ZNF705B: variants seen among roughly 807,000 people sequenced by gnomAD.
ZNF705B encodes the protein Putative zinc finger protein 705D-like protein LOC100132396.
Under a neutral mutation model 10.5 loss-of-function variants are expected in ZNF705B, and 1 was observed. That is an observed-to-expected ratio of 0.10 (90% CI 0.03 to 0.45). The LOEUF is 0.45. ZNF705B is among the 20% of genes least tolerant of loss of function. The pLI is 0.97. For synonymous variants in ZNF705B, 4 were observed against 25.4 expected (o/e 0.16, Z 2.53); for missense variants, 14 against 84.0 (o/e 0.17, Z 3.26).
At chr8:7,931,891 C>T (rs1247599538) in intron 2 of ZNF705B, among the ~76,000 whole-genome samples, 1 of 125,544 alleles carries the variant, frequency 8.0e-6, no homozygotes, top group African/African-American at 2.5e-5. Context: ...GTGAGTTCAG[C>T]TGGTATTGTG....
chr8:7,933,031 G>A, intron 2 of ZNF705B, among the ~76,000 whole-genome samples: 1 of 118,670 alleles, frequency 8.4e-6, no homozygotes, highest in East Asian at 2.4e-4. Context: ...GTGCCACCTT[G>A]TAAGCAAAGG....
rs1170784899 is a variant in ZNF705B, at chr8:7,930,430, G to A, written c.-78G>A. ...CCTTCTTGGATGTCTGATACAAACAGCCTCAGGTAAGCTACAAGTCCACCT... is the reference window on the plus strand; with the variant it reads ...CCTTCTTGGATGTCTGATACAAACAACCTCAGGTAAGCTACAAGTCCACCT... On this transcript the variant is annotated 5_prime_UTR_variant, in exon 2 of 7. Coordinates refer to ENST00000400120, the MANE Select transcript of ZNF705B (RefSeq NM_001193630.1). 1 of 76,902 alleles carries A rather than the reference G, an allele frequency of 1.3e-5. No homozygotes were observed. The highest frequency in any genetic ancestry group is 3.4e-5 in the African/African-American group (1 of 29,814). The allele number at this position is 76,902 out of a possible 1,614,324, so 4.8% of individuals were successfully genotyped here. A position where few individuals can be genotyped will look rare whatever the true frequency, so the allele number is the denominator to read the frequency against.
intron 2 of ZNF705B, among the ~76,000 whole-genome samples, chr8:7,940,256 T>A (rs1820111336): frequency 6.7e-6 from 1 of 148,626 alleles, no homozygotes; most frequent in Non-Finnish European, 1.5e-5. Flanking sequence ...CCCCTCTTGT[T>A]TTATTTTAAC....
rs1335140131 is a variant in ZNF705B at position 7,935,840 on chromosome 8, T to C, written c.-72+5404T>C. Among the ~76,000 whole-genome samples, 2 of 91,388 alleles carry C rather than the reference T, an allele frequency of 2.2e-5. 1 individual carries two copies. The highest frequency in any genetic ancestry group is 6.1e-4 in the East Asian group (2 of 3,266). 60.0% of individuals were successfully genotyped at this position (91,388 alleles called of 152,430 possible). A position where few individuals can be genotyped will look rare whatever the true frequency, so the allele number is the denominator to read the frequency against. ...CCCTGAGCTTTCCATCTCTTCCTTT[T>C]ATCTGTAAGTAGTCAGCTATTACGT... On this transcript the variant is annotated intron_variant, in intron 2 of 6. Transcript: ENST00000400120.
intron 1 of ZNF705B, among the ~76,000 whole-genome samples, chr8:7,926,993 T>C (rs1819708566): frequency 8.5e-6 from 1 of 118,254 alleles, no homozygotes; most frequent in African/African-American, 2.5e-5. Flanking sequence ...AAAATATCTA[T>C]CTCATATAAA....
chr8:7,927,754 C>T (rs1417923800), intron 1 of ZNF705B, among the ~76,000 whole-genome samples: 2 of 147,814 alleles, frequency 1.4e-5, no homozygotes, highest in African/African-American at 2.4e-5. Flanking sequence ...GACTTTAGAG[C>T]TCTTTTATTC....
At chr8:7,937,579 A>G (rs1351009130) in intron 2 of ZNF705B, among the ~76,000 whole-genome samples, 2 of 121,078 alleles carry the variant, frequency 1.7e-5, no homozygotes, top group African/African-American at 5.1e-5. Context: ...ACATATTTTA[A>G]AATATTTTTA....
rs575704896 is a variant in ZNF705B, at chr8:7,930,286, G to C, written c.-221-1G>C. On this transcript the variant is annotated splice_acceptor_variant, in intron 1 of 6. Transcript: ENST00000400120. LOFTEE classifies it low-confidence loss of function (5UTR_SPLICE). ...CCAGCTGAATTCAAACTCATTCCCA[G>C]ATCACTTGTCCTCCTCAATTGATGT... The C allele has an allele frequency of 2.3e-3, 239 of 105,180 alleles. 9 individuals are homozygous for C. Among genetic ancestry groups the C allele is most frequent in the African/African-American group, 6.4e-3 (233 of 36,570 alleles). The allele number at this position is 105,180 out of a possible 1,614,324, so 6.5% of individuals were successfully genotyped here. A position where few individuals can be genotyped will look rare whatever the true frequency, so the allele number is the denominator to read the frequency against.
chr8:7,940,818 C>A (rs1277776399), intron 2 of ZNF705B, among the ~76,000 whole-genome samples: 1 of 134,332 alleles, frequency 7.4e-6, no homozygotes, highest in African/African-American at 2.6e-5. Flanking sequence ...TATGTATTAG[C>A]CATTTATCCT....
At position 7,926,580 on chromosome 8, in the gene ZNF705B, G is replaced by GT. The variant is rs1819693329; in HGVS notation, c.-222+184dup. ...AGTATTATCACCATCATTATTTGCT[G>GT]TGGTATGAGTGTTTGTGTCTCTCCC... On this transcript the variant is annotated intron_variant, in intron 1 of 6. Transcript: ENST00000400120. 3.8e-5 allele frequency among the ~76,000 whole-genome samples: 4 copies of GT among 104,112 alleles called. No individual in the cohort carries two copies. The South Asian group carries it at 1.5e-3, about 39-fold the overall frequency. 68.3% of individuals were successfully genotyped at this position (104,112 alleles called of 152,430 possible).
chr8:7,931,315 G>A (rs1227453365), intron 2 of ZNF705B, among the ~76,000 whole-genome samples: 3 of 121,748 alleles, frequency 2.5e-5, no homozygotes, highest in Non-Finnish European at 5.9e-5. Flanking sequence ...GATGGACAGA[G>A]TAGTCCTCAG....
intron 2 of ZNF705B, among the ~76,000 whole-genome samples, chr8:7,935,848 A>G (rs1336990152): frequency 1.1e-5 from 1 of 91,208 alleles, no homozygotes; most frequent in African/African-American, 2.7e-5. Flanking sequence ...TTTATCTGTA[A>G]GTAGTCAGCT....
chr8:7,927,591 T>TA (rs1819730854), intron 1 of ZNF705B, among the ~76,000 whole-genome samples: 1 of 117,974 alleles, frequency 8.5e-6, no homozygotes, highest in African/African-American at 2.5e-5. Context: ...TCCTAAGATT[T>TA]TTTTTTTTTT....
intron 2 of ZNF705B, chr8:7,934,721 T>TGTGTGTGTG (rs1211087723): frequency 2.1e-4 from 23 of 108,838 alleles, no homozygotes; most frequent in South Asian, 9.1e-4. Flanking sequence ...TGTGTGTGTG[T>TGTGTGTGTG]TATTTGATTT....
In ZNF705B at chr8:7,931,647, G is replaced by T. The variant is rs373771627; in HGVS notation, c.-72+1211G>T. ...GCTCTGGCCCTGGAATAGTGCCCAG[G>T]CAGGTGAGTCCCCAGGTCCCCTGAG... On this transcript the variant is annotated intron_variant, in intron 2 of 6. Transcript: ENST00000400120. 3.1e-3 allele frequency among the ~76,000 whole-genome samples: 378 copies of T among 122,798 alleles called. 8 individuals carry two copies. Among genetic ancestry groups the T allele is most frequent in the African/African-American group, 8.4e-3 (336 of 39,896 alleles). The allele number at this position is 122,798 out of a possible 152,430, so 80.6% of individuals were successfully genotyped here. A position where few individuals can be genotyped will look rare whatever the true frequency, so the allele number is the denominator to read the frequency against.
At chr8:7,929,579 G>C (rs1362150152) in intron 1 of ZNF705B, among the ~76,000 whole-genome samples, 1 of 123,346 alleles carries the variant, frequency 8.1e-6, no homozygotes. Flanking sequence ...AGGAGACTTG[G>C]ATCTGTAATC....
intron 2 of ZNF705B, among the ~76,000 whole-genome samples, chr8:7,932,333 C>T (rs61129837): frequency 8.2e-6 from 1 of 121,218 alleles, no homozygotes; most frequent in African/African-American, 2.5e-5. Flanking sequence ...CAATTTGCTG[C>T]TGAATTCTAG....
In ZNF705B at chr8:7,932,754, T is replaced by A. The variant is rs868735844; in HGVS notation, c.-72+2318T>A. 4.6e-3 allele frequency among the ~76,000 whole-genome samples: 534 copies of A among 116,096 alleles called. 11 individuals are homozygous for A. Among genetic ancestry groups the A allele is most frequent in the African/African-American group, 0.013 (506 of 38,700 alleles). 76.2% of individuals were successfully genotyped at this position (116,096 alleles called of 152,430 possible). A position where few individuals can be genotyped will look rare whatever the true frequency, so the allele number is the denominator to read the frequency against. ...CATTGTTTCTTGGCCAAATCAGGCA[T>A]AGTGAAAAATAAAATCCAGCTAACA... On this transcript the variant is annotated intron_variant, in intron 2 of 6. Coordinates refer to ENST00000400120, the MANE Select transcript of ZNF705B (RefSeq NM_001193630.1).
chr8:7,926,649 A>G (rs542066068), intron 1 of ZNF705B, among the ~76,000 whole-genome samples: 2 of 104,616 alleles, frequency 1.9e-5, no homozygotes, highest in Admixed American at 2.3e-4. Flanking sequence ...AATAGTGTTA[A>G]GAAGCGGAAC....
Sources: allele counts gnomAD v4.1 joint callset (sites outside exome capture counted in the v4.1 genomes callset), GRCh38; gene constraint gnomAD v4.1.1; transcripts MANE v1.5; gene names NCBI Gene and HGNC (gene_info 2026-07-23, HGNC 2026-07-21).